The following TOM1L1 variants were observed in gnomAD, a reference collection of about 807,000 sequenced individuals.
TOM1L1 encodes TOM1-like protein 1.
A neutral mutation model predicts 63.4 loss-of-function variants in TOM1L1; 64 were observed. The observed-to-expected ratio is 1.01, with a 90% CI of 0.83 to 1.24. The LOEUF (loss-of-function observed/expected upper bound fraction) is 1.24. Among genes scored for constraint, TOM1L1 ranks in the 50% most tolerant of loss-of-function variants. The pLI is 0.00. For missense variants in TOM1L1, 536 were observed against 567.0 expected (o/e 0.95, Z 0.55); for synonymous variants, 166 against 194.4 (o/e 0.85, Z 1.22).
At chr17:54,920,351 C>A (rs2048663869) in intron 7 of TOM1L1, among the ~76,000 whole-genome samples, 1 of 152,188 alleles carries the variant, frequency 6.6e-6, no homozygotes, top group African/African-American at 2.4e-5. Context: ...TCTCCCCAAA[C>A]CAACCAATAT....
chr17:54,949,732 T>C (rs1430350598), intron 13 of TOM1L1, 109 bp downstream of exon 13: 2 of 963,408 alleles, frequency 2.1e-6, no homozygotes, highest in Admixed American at 2.2e-5. Flanking sequence ...GATGCTCTTT[T>C]GTATTTTTAA....
intron 4 of TOM1L1, 75 bp from the exon 5 acceptor site, chr17:54,913,665 CAAAAAAAA>C (rs58570485): frequency 8.7e-4 from 936 of 1,076,174 alleles, no homozygotes; most frequent in Non-Finnish European, 8.9e-4. Flanking sequence ...GACTCTGTCT[CAAAAAAAA>C]AAAAAAAAAA....
In TOM1L1 at chr17:54,961,326, C is replaced by T. The variant is rs1378627730; in HGVS notation, c.*93C>T. On this transcript the variant is annotated 3_prime_UTR_variant, in exon 16 of 16. Transcript: ENST00000575882. ...CAGCTTTGAAGCCTGGAAGACAATACCTACCAACATGTCAAAGCCATGGTG... is the reference window on the plus strand; with the variant it reads ...CAGCTTTGAAGCCTGGAAGACAATATCTACCAACATGTCAAAGCCATGGTG... 1.3e-5 allele frequency: 20 copies of T among 1,551,424 alleles called. No individual in the cohort carries two copies. Among genetic ancestry groups the T allele is most frequent in the African/African-American group, 8.2e-5 (6 of 73,044 alleles).
intron 7 of TOM1L1, chr17:54,916,104 C>G (rs369643498): frequency 1.3e-4 from 56 of 441,750 alleles, no homozygotes; most frequent in African/African-American, 7.1e-4. Flanking sequence ...TAACCTTGGT[C>G]ATGTACAATC....
In TOM1L1 at chr17:54,901,042, T is replaced by C. The variant is rs549253006; in HGVS notation, c.58+119T>C. On this transcript the variant is annotated intron_variant, in intron 1 of 15. Transcript: ENST00000575882. Reference sequence around the variant, plus strand: ...GTCCAACTTGAAAAAATTATTCCCCTCCCCCCGCAACTTTCCCAAGGCACC... The same window carrying C: ...GTCCAACTTGAAAAAATTATTCCCCCCCCCCCGCAACTTTCCCAAGGCACC... 1.3e-4 allele frequency: 175 copies of C among 1,373,076 alleles called. No homozygotes were observed. The East Asian group carries it at 4.1e-3, about 32-fold the overall frequency. The allele number at this position is 1,373,076 out of a possible 1,614,324, so 85.1% of individuals were successfully genotyped here.
rs568073092 is a variant in TOM1L1 at position 54,951,744 on chromosome 17, T to G, written c.1370+1618T>G. ...TTAGATACTCTGTCAACACGAAGCC[T>G]GAATTTTTACGTGCTAGCTATGGGC... On this transcript the variant is annotated intron_variant, in intron 14 of 15. Coordinates refer to ENST00000575882, the MANE Select transcript of TOM1L1 (RefSeq NM_005486.3). 2.6e-5 allele frequency among the ~76,000 whole-genome samples: 4 copies of G among 152,350 alleles called. 1 individual carries two copies. In the South Asian group the frequency reaches 8.3e-4, roughly 32 times the overall value.
At chr17:54,917,049 C>T (rs1271307409) in intron 7 of TOM1L1, 1 of 152,022 alleles carries the variant, frequency 6.6e-6, no homozygotes, top group East Asian at 1.9e-4. Flanking sequence ...TTTCTAGTTG[C>T]ATTTGTTATT....
rs1462719085 is a variant in TOM1L1 at position 54,961,573 on chromosome 17, G to C, written c.*340G>C. 7.8e-6 allele frequency: 10 copies of C among 1,289,700 alleles called. No individual in the cohort carries two copies. Among genetic ancestry groups the C allele is most frequent in the Non-Finnish European group, 8.8e-6 (9 of 1,018,396 alleles). 79.9% of individuals were successfully genotyped at this position (1,289,700 alleles called of 1,614,324 possible). A position where few individuals can be genotyped will look rare whatever the true frequency, so the allele number is the denominator to read the frequency against. ...AGAAATCGTCACACAGCTGTGATAA[G>C]AGTAGATTATTTTACTATGAAATAA... On this transcript the variant is annotated 3_prime_UTR_variant, in exon 16 of 16. Transcript: ENST00000575882.
chr17:54,929,967 C>A, intron 7 of TOM1L1, 106 bp from the exon 8 acceptor site: 1 of 1,405,638 alleles, frequency 7.1e-7, no homozygotes, highest in African/African-American at 1.4e-5. Context: ...GCCCCACAGG[C>A]TACTTAACGT....
At chr17:54,960,299 A>T (rs1406624975) in intron 14 of TOM1L1, among the ~76,000 whole-genome samples, 1 of 152,198 alleles carries the variant, frequency 6.6e-6, no homozygotes, top group East Asian at 1.9e-4. Flanking sequence ...TGGGAGGCAG[A>T]GGTTGCAGTG....
At chr17:54,960,738 C>T (rs1366921165) in intron 15 of TOM1L1, 111 bp downstream of exon 15, 73 of 773,270 alleles carry the variant, frequency 9.4e-5, no homozygotes, top group Non-Finnish European at 2.2e-6. Flanking sequence ...GAGTCTGACA[C>T]TTTGAAATAT....
At chr17:54,901,003 A>C in intron 1 of TOM1L1, 80 bp downstream of exon 1, 2 of 1,592,178 alleles carry the variant, frequency 1.3e-6, no homozygotes, top group Non-Finnish European at 1.7e-6. Context: ...CTCGGCCTGC[A>C]GAGGACGGAG....
At chr17:54,916,662 A>G (rs1233800571) in intron 7 of TOM1L1, 3 of 152,150 alleles carry the variant, frequency 2.0e-5, no homozygotes, top group Non-Finnish European at 4.4e-5. Flanking sequence ...GCCACCTCTC[A>G]TGTTATTTTT....
rs1597999382 is a variant in TOM1L1 at position 54,905,647 on chromosome 17, G to T, written c.222+80G>T. ...ATTTTTAATCCTGGGTAAAAAATAAGAAGCAAGTATTCTGAGAAAACTAAT... is the reference window on the plus strand; with the variant it reads ...ATTTTTAATCCTGGGTAAAAAATAATAAGCAAGTATTCTGAGAAAACTAAT... On this transcript the variant is annotated intron_variant, in intron 3 of 15. Coordinates refer to ENST00000575882, the MANE Select transcript of TOM1L1 (RefSeq NM_005486.3). 10 of 903,866 alleles carry T rather than the reference G, an allele frequency of 1.1e-5. No homozygotes were observed. In the East Asian group the frequency reaches 2.6e-4, roughly 23 times the overall value. The allele number at this position is 903,866 out of a possible 1,614,324, so 56.0% of individuals were successfully genotyped here. A position where few individuals can be genotyped will look rare whatever the true frequency, so the allele number is the denominator to read the frequency against.
At chr17:54,933,318 C>T (rs1269818104) in intron 8 of TOM1L1, among the ~76,000 whole-genome samples, 1 of 152,178 alleles carries the variant, frequency 6.6e-6, no homozygotes, top group Non-Finnish European at 1.5e-5. Flanking sequence ...CCTTTAATGA[C>T]CTTTATGACT....
At chr17:54,923,496 A>T (rs2143824014) in intron 7 of TOM1L1, among the ~76,000 whole-genome samples, 1 of 151,708 alleles carries the variant, frequency 6.6e-6, no homozygotes, top group African/African-American at 2.4e-5. Flanking sequence ...CTAATGACTA[A>T]TGAATTTGAG....
chr17:54,930,052 T>A (rs755019548), intron 7 of TOM1L1, 21 bp from the exon 8 acceptor site: 216 of 1,613,720 alleles, frequency 1.3e-4, no homozygotes, highest in Non-Finnish European at 1.7e-4. Flanking sequence ...GAAGAAGAAA[T>A]CTCTCTCCTT....
chr17:54,945,947 T>G (rs2143940552), intron 11 of TOM1L1, among the ~76,000 whole-genome samples: 1 of 152,342 alleles, frequency 6.6e-6, no homozygotes, highest in East Asian at 1.9e-4. Flanking sequence ...GGATTCTATC[T>G]TGGACATTTT....
chr17:54,936,983 G>C, intron 9 of TOM1L1, 126 bp from the exon 10 acceptor site: 1 of 825,130 alleles, frequency 1.2e-6, no homozygotes, highest in Non-Finnish European at 2.0e-6. Flanking sequence ...AATGTTGCTC[G>C]TTGAGTGGAG....
Sources: gnomAD v4.1 joint callset for allele counts (sites outside exome capture counted in the v4.1 genomes callset) on GRCh38, gnomAD v4.1.1 for gene constraint, MANE v1.5 for transcripts, NCBI Gene and HGNC (gene_info 2026-07-23, HGNC 2026-07-21) for gene names.